Variants in CYP4F22 observed in about 807,000 individuals in gnomAD.
CYP4F22 encodes ultra-long-chain fatty acid omega-hydroxylase.
In CYP4F22, 37 loss-of-function variants were observed where a neutral mutation model predicts 60.4. The observed-to-expected ratio is 0.61, with a 90% CI of 0.47 to 0.81. The LOEUF (loss-of-function observed/expected upper bound fraction) is 0.81, where lower values mean the gene tolerates loss of function less well. Ranked by LOEUF, CYP4F22 falls within the 30% of genes least tolerant of loss-of-function variation. The pLI is 0.00. For missense variants in CYP4F22, 655 were observed against 715.0 expected, an observed-to-expected ratio of 0.92 and a Z score of 0.96; for synonymous variants, 258 against 280.5, an observed-to-expected ratio of 0.92 and a Z score of 0.80.
chr19:15,533,965 C>G (rs1415930196), intron 4 of CYP4F22, among the ~76,000 whole-genome samples: 4 of 151,976 alleles, frequency 2.6e-5, no homozygotes, highest in African/African-American at 7.3e-5. Flanking sequence ...GGGTAGATAC[C>G]TAGGAGTAGA....
intron 1 of CYP4F22, among the ~76,000 whole-genome samples, chr19:15,512,639 C>T (rs1030193029): frequency 5.3e-5 from 8 of 152,008 alleles, no homozygotes; most frequent in Non-Finnish European, 1.2e-4. Context: ...GACGGAGTCT[C>T]ACTATGTTGC....
chr19:15,551,449 A>G lies in CYP4F22; in HGVS notation c.1574A>G (p.Glu525Gly). 1 of 1,570,582 alleles carries G rather than the reference A, an allele frequency of 6.4e-7. No individual in the cohort carries two copies. Among genetic ancestry groups the G allele is most frequent in the Non-Finnish European group, 8.6e-7 (1 of 1,158,506 alleles). Residue 525 changes from glutamate (E) to glycine (G), a missense_variant, in exon 14 of 14, where the codon GAG (glutamate) becomes GGG (glycine). Physicochemically the swap from Glu to Gly is moderately conservative, Grantham distance 98. Transcript: ENST00000269703. ...RTENGLWLKV[E>G]PLPPRA ...GAGAACGGGCTCTGGCTCAAGGTGGAGCCGCTGCCTCCGCGGGCCTGAGCG... is the reference window on the plus strand; with the variant it reads ...GAGAACGGGCTCTGGCTCAAGGTGGGGCCGCTGCCTCCGCGGGCCTGAGCG...
At chr19:15,537,125 T>C (rs1568360076) in intron 4 of CYP4F22, among the ~76,000 whole-genome samples, 1 of 152,064 alleles carries the variant, frequency 6.6e-6, no homozygotes, top group South Asian at 2.1e-4. Flanking sequence ...ATGGTGAAAC[T>C]CTGTCTCTGC....
At chr19:15,532,271 CTCT>C (rs1352893238) in intron 4 of CYP4F22, among the ~76,000 whole-genome samples, 2 of 150,070 alleles carry the variant, frequency 1.3e-5, no homozygotes, top group African/African-American at 2.5e-5. Flanking sequence ...CTCCTCCCTT[CTCT>C]TCTTCTTTCT....
At chr19:15,544,318 G>C in intron 10 of CYP4F22, 39 bp downstream of exon 10, 1 of 1,601,008 alleles carries the variant, frequency 6.2e-7, no homozygotes, top group Non-Finnish European at 8.5e-7. Flanking sequence ...GGCAGGTTGA[G>C]GCCAGAGCCT....
chr19:15,551,183 A>C, intron 13 of CYP4F22, 111 bp from the exon 14 acceptor site: 1 of 1,412,800 alleles, frequency 7.1e-7, no homozygotes, highest in South Asian at 1.2e-5. Context: ...GTTTCACTTT[A>C]ACCCTCAGCC....
intron 1 of CYP4F22, among the ~76,000 whole-genome samples, chr19:15,509,930 T>TTTCTTTCTTTCTTTCTTTCC (rs1971069522): frequency 7.3e-6 from 1 of 137,780 alleles, no homozygotes; most frequent in Admixed American, 7.8e-5. Context: ...TCCTTCTTTC[T>TTTCTTTCTTTCTTTCTTTCC]TTCTTTCTTT....
intron 4 of CYP4F22, among the ~76,000 whole-genome samples, chr19:15,533,303 G>A (rs995240227): frequency 2.6e-5 from 4 of 152,092 alleles, no homozygotes; most frequent in African/African-American, 9.7e-5. Flanking sequence ...ACAATCAGTG[G>A]TATTTAGTGT....
chr19:15,509,854 C>CTCCTTCCTTCCTTCCTTCCTTCCT (rs201064190), intron 1 of CYP4F22, among the ~76,000 whole-genome samples: 3 of 110,004 alleles, frequency 2.7e-5, no homozygotes, highest in Non-Finnish European at 3.8e-5. Context: ...GGACCCATCT[C>CTCCTTCCTTCCTTCCTTCCTTCCT]TCCTTCCTTC....
At chr19:15,545,070 C>G (rs962105340) in intron 10 of CYP4F22, among the ~76,000 whole-genome samples, 12 of 148,326 alleles carry the variant, frequency 8.1e-5, no homozygotes, top group African/African-American at 3.0e-4. Context: ...CCCACCCCCC[C>G]ACAAAAAAAG....
At chr19:15,536,816 C>G (rs949757926) in intron 4 of CYP4F22, among the ~76,000 whole-genome samples, 2 of 152,094 alleles carry the variant, frequency 1.3e-5, no homozygotes, top group African/African-American at 4.8e-5. Context: ...CCAGGCTGAG[C>G]CTGAACTTTT....
In CYP4F22 at chr19:15,520,310, T is replaced by C. The variant is rs1373556732; in HGVS notation, c.-108-3383T>C. ...GCAGTGAGCTGAGATCGCGCCACTG[T>C]ACTCCAGCCTGGGCGACAGAGCAAG... On this transcript the variant is annotated intron_variant, in intron 1 of 13. Transcript: ENST00000269703. 1.4e-4 allele frequency among the ~76,000 whole-genome samples: 20 copies of C among 139,418 alleles called. No individual in the cohort carries two copies. In the East Asian group the frequency reaches 3.9e-3, roughly 27 times the overall value. 91.5% of individuals were successfully genotyped at this position (139,418 alleles called of 152,430 possible).
At chr19:15,521,481 C>T (rs1325476695) in intron 1 of CYP4F22, among the ~76,000 whole-genome samples, 2 of 152,144 alleles carry the variant, frequency 1.3e-5, no homozygotes, top group Non-Finnish European at 2.9e-5. Context: ...GAGCTGCCCC[C>T]TCAGCCTCCC....
At chr19:15,530,688 A>G (rs1030751400) in intron 4 of CYP4F22, among the ~76,000 whole-genome samples, 1 of 152,174 alleles carries the variant, frequency 6.6e-6, no homozygotes, top group Non-Finnish European at 1.5e-5. Context: ...TTCACATGGC[A>G]GCAGGAAGGA....
At chr19:15,546,599 T>C (rs958599551) in intron 10 of CYP4F22, among the ~76,000 whole-genome samples, 34 of 151,852 alleles carry the variant, frequency 2.2e-4, no homozygotes, top group African/African-American at 8.0e-4. Flanking sequence ...AAAGAGAACC[T>C]GCTAATTTAA....
intron 10 of CYP4F22, among the ~76,000 whole-genome samples, chr19:15,547,276 A>G (rs1971538039): frequency 6.6e-6 from 1 of 151,748 alleles, no homozygotes; most frequent in Non-Finnish European, 1.5e-5. Flanking sequence ...CGCCCATCTC[A>G]GCCTCTGCAA....
intron 7 of CYP4F22, among the ~76,000 whole-genome samples, chr19:15,539,600 G>A (rs1341872922): frequency 1.3e-5 from 2 of 152,162 alleles, no homozygotes; most frequent in African/African-American, 4.8e-5. Context: ...AACATTTTGA[G>A]GAACTGCTAA....
At chr19:15,547,988 AGAGAGAGGGAGAGAGTGTGTGTGTGT>A in intron 10 of CYP4F22, 94 bp from the exon 11 acceptor site, 18 of 447,838 alleles carry the variant, frequency 4.0e-5, no homozygotes, top group Middle Eastern at 5.7e-4. Flanking sequence ...AGAGAGAGAG[AGAGAGAGGGAGAGAGTGTGTGTGTGT>A]GTGTGTGTGT....
At chr19:15,537,335 C>A (rs1971407052) in intron 4 of CYP4F22, 26 bp from the exon 5 acceptor site, 2 of 1,613,800 alleles carry the variant, frequency 1.2e-6, no homozygotes, top group Non-Finnish European at 1.7e-6. Flanking sequence ...TGTTTTGAGT[C>A]ACCATTTTCC....
Sources: allele counts gnomAD v4.1 joint callset (sites outside exome capture counted in the v4.1 genomes callset), GRCh38; gene constraint gnomAD v4.1.1; transcripts MANE v1.5; gene names NCBI Gene and HGNC (gene_info 2026-07-23, HGNC 2026-07-21).